The following CLHC1 variants were observed in gnomAD, a reference collection of about 807,000 sequenced individuals.
The protein encoded by CLHC1 is clathrin heavy chain linker domain-containing protein 1.
In CLHC1, 72 loss-of-function variants were observed where a neutral mutation model predicts 69.5. The ratio of observed to expected loss-of-function variants is 1.04; its 90% confidence interval spans 0.86 to 1.26. CLHC1 has a LOEUF of 1.26. Among genes scored for constraint, CLHC1 ranks in the 50% most tolerant of loss-of-function variants. CLHC1 has a pLI of 0.00. For missense variants in CLHC1, 790 were observed against 679.3 expected, an observed-to-expected ratio of 1.16 and a Z score of -1.81; for synonymous variants, 223 against 224.3, an observed-to-expected ratio of 0.99 and a Z score of 0.05.
At chr2:55,179,273 T>C (rs1329750394) in intron 11 of CLHC1, among the ~76,000 whole-genome samples, 1 of 152,032 alleles carries the variant, frequency 6.6e-6, no homozygotes, top group African/African-American at 2.4e-5. Flanking sequence ...ATCACTTAGC[T>C]CTAGCTGTGC....
At chr2:55,186,961 G>A in intron 9 of CLHC1, among the ~76,000 whole-genome samples, 1 of 151,858 alleles carries the variant, frequency 6.6e-6, no homozygotes, top group East Asian at 1.9e-4. Context: ...CTAGAACAGA[G>A]AAACTATATA....
intron 8 of CLHC1, among the ~76,000 whole-genome samples, chr2:55,207,207 A>G (rs1451652139): frequency 2.6e-5 from 4 of 152,128 alleles, no homozygotes; most frequent in East Asian, 3.8e-4. Flanking sequence ...CAGGTTCCCA[A>G]TCGAAGATTA....
chr2:55,220,481 T>C (rs886586457), intron 3 of CLHC1, among the ~76,000 whole-genome samples: 3 of 152,148 alleles, frequency 2.0e-5, no homozygotes, highest in African/African-American at 7.2e-5. Flanking sequence ...CTTTACAAGG[T>C]AAAATTTACA....
At chr2:55,228,527 G>A (rs1323946010) in intron 1 of CLHC1, among the ~76,000 whole-genome samples, 1 of 152,186 alleles carries the variant, frequency 6.6e-6, no homozygotes, top group African/African-American at 2.4e-5. Flanking sequence ...CAAGTCACAA[G>A]GGTTCCCAGT....
intron 9 of CLHC1, among the ~76,000 whole-genome samples, chr2:55,205,419 A>G (rs999435210): frequency 1.3e-5 from 2 of 151,116 alleles, no homozygotes; most frequent in East Asian, 3.9e-4. Flanking sequence ...ACACACACAC[A>G]CACGCACACA....
At chr2:55,225,228 G>C (rs1573789137) in intron 2 of CLHC1, 2 of 152,614 alleles carry the variant, frequency 1.3e-5, no homozygotes, top group African/African-American at 4.8e-5. Flanking sequence ...ATGCTGTCTC[G>C]GGACCATGGC....
chr2:55,198,140 T>A (rs1247363933), intron 9 of CLHC1, among the ~76,000 whole-genome samples: 1 of 151,766 alleles, frequency 6.6e-6, no homozygotes, highest in South Asian at 2.1e-4. Flanking sequence ...TATCTGAAAA[T>A]ATACAGTGAG....
At chr2:55,207,885 T>C (rs1237868063) in intron 8 of CLHC1, among the ~76,000 whole-genome samples, 1 of 152,246 alleles carries the variant, frequency 6.6e-6, no homozygotes, top group Non-Finnish European at 1.5e-5. Context: ...ATTGTCTGTA[T>C]TTTTATGTAT....
Position 55,209,772 on chromosome 2 carries a change from C to T in CLHC1, c.559G>A (p.Glu187Lys), listed in dbSNP as rs768475061. Residue 187 changes from glutamate (E) to lysine (K), a missense_variant, in exon 6 of 13, where the codon GAA becomes AAA. Transcript: ENST00000401408. ...DALTKYMKHL[E>K]DKYAEIKQAM... The stretch of plus-strand genomic sequence containing the variant: ...TGTTTAATTTCTGCATATTTATCTT[C>T]AAGATGTTTCATGTATTTAGTGAGA... The T allele has an allele frequency of 1.2e-6, 2 of 1,611,650 alleles. No homozygotes were observed. The highest frequency in any genetic ancestry group is 2.2e-5 in the East Asian group (1 of 44,858).
chr2:55,201,323 T>C (rs1671924167), intron 9 of CLHC1, among the ~76,000 whole-genome samples: 1 of 150,610 alleles, frequency 6.6e-6, no homozygotes, highest in Non-Finnish European at 1.5e-5. Context: ...AAATCAGAGA[T>C]GAAAAAGGAG....
intron 1 of CLHC1, among the ~76,000 whole-genome samples, chr2:55,229,173 AG>A (rs1450522712): frequency 6.7e-5 from 10 of 149,172 alleles, no homozygotes; most frequent in African/African-American, 2.4e-4. Context: ...AAAAAAAGAA[AG>A]AAAAAAATTA....
intron 12 of CLHC1, among the ~76,000 whole-genome samples, chr2:55,176,372 T>A (rs1015592646): frequency 8.5e-5 from 13 of 152,186 alleles, no homozygotes; most frequent in Admixed American, 5.9e-4. Flanking sequence ...AACTATGAAA[T>A]AACTGTAAAC....
chr2:55,190,681 T>C (rs113890547), intron 9 of CLHC1, among the ~76,000 whole-genome samples: 10 of 152,114 alleles, frequency 6.6e-5, no homozygotes, highest in African/African-American at 2.4e-4. Flanking sequence ...CAATAGAAAA[T>C]ATCCAAAATA....
chr2:55,200,306 A>G (rs868671658), intron 9 of CLHC1, among the ~76,000 whole-genome samples: 2 of 151,204 alleles, frequency 1.3e-5, no homozygotes, highest in Admixed American at 1.3e-4. Flanking sequence ...GAAACACTTC[A>G]TCTTTAAAGA....
chr2:55,182,873 C>G (rs1343110933), intron 9 of CLHC1, among the ~76,000 whole-genome samples: 2 of 152,044 alleles, frequency 1.3e-5, no homozygotes, highest in Non-Finnish European at 2.9e-5. Context: ...GGGTACACAC[C>G]ACCAGAATCA....
rs555205886 is a variant in CLHC1 at position 55,174,197 on chromosome 2, C to A, written c.*1593G>T. 1.6e-4 allele frequency among the ~76,000 whole-genome samples: 25 copies of A among 152,148 alleles called. No individual in the cohort carries two copies. Among genetic ancestry groups the A allele is most frequent in the African/African-American group, 6.0e-4 (25 of 41,492 alleles). On this transcript the variant is annotated 3_prime_UTR_variant, in exon 13 of 13. Transcript: ENST00000401408. ...GTAATAAATTGCTTTTTAAACTATGCACATGTATTACTTTAAAAATGCTAC... is the reference window on the plus strand; with the variant it reads ...GTAATAAATTGCTTTTTAAACTATGAACATGTATTACTTTAAAAATGCTAC...
chr2:55,176,488 C>T (rs1669401556), intron 12 of CLHC1, among the ~76,000 whole-genome samples: 1 of 152,144 alleles, frequency 6.6e-6, no homozygotes, highest in African/African-American at 2.4e-5. Flanking sequence ...CTGTCTCTAG[C>T]TGGAGAACTC....
rs1674884787 is a variant in CLHC1 at position 55,228,033 on chromosome 2, T to G, written c.-84A>C. On this transcript the variant is annotated splice_region_variant and 5_prime_UTR_variant, in exon 2 of 13. Coordinates refer to ENST00000401408, the MANE Select transcript of CLHC1 (RefSeq NM_152385.4). Reference sequence around the variant, plus strand: ...ATACATACTATCACTTTGATTCACCTGGCTTTTACTCTTTCTTCAGCTTCA... The same window carrying G: ...ATACATACTATCACTTTGATTCACCGGGCTTTTACTCTTTCTTCAGCTTCA... 6.6e-6 allele frequency: 1 copy of G among 152,248 alleles called. No homozygotes were observed. The highest frequency in any genetic ancestry group is 2.4e-5 in the African/African-American group (1 of 41,412). 9.4% of individuals were successfully genotyped at this position (152,248 alleles called of 1,614,324 possible).
chr2:55,189,373 T>C lies in CLHC1; in HGVS notation c.1007-7629A>G, dbSNP rs183866466. ...TTATTATGTTAATTATGTTTAGTCA[T>C]AGCAAATGAACTAAACTCTTGCTTC... On this transcript the variant is annotated intron_variant, in intron 9 of 12. Transcript: ENST00000401408. Among the ~76,000 whole-genome samples, 5 of 152,348 alleles carry C rather than the reference T, an allele frequency of 3.3e-5. No homozygotes were observed. The East Asian group carries it at 5.8e-4, about 18-fold the overall frequency.
Sources: allele counts gnomAD v4.1 joint callset (sites outside exome capture counted in the v4.1 genomes callset), GRCh38; gene constraint gnomAD v4.1.1; transcripts MANE v1.5; gene names NCBI Gene and HGNC (gene_info 2026-07-23, HGNC 2026-07-21).